The following PTPA variants were observed in gnomAD, a reference collection of about 807,000 sequenced individuals.
PTPA encodes serine/threonine-protein phosphatase 2A activator.
A neutral mutation model predicts 43.6 loss-of-function variants in PTPA; 13 were observed. The observed-to-expected ratio is 0.30, with a 90% CI of 0.19 to 0.47. The LOEUF is 0.47. Ranked by LOEUF, PTPA falls within the 20% of genes least tolerant of loss-of-function variation. The pLI is 0.99. For synonymous variants in PTPA, 172 were observed against 158.2 expected, an observed-to-expected ratio of 1.09 and a Z score of -0.66; for missense variants, 329 against 411.9, an observed-to-expected ratio of 0.80 and a Z score of 1.74.
intron 3 of PTPA, 85 bp from the exon 4 acceptor site, chr9:129,128,900 T>G: frequency 6.5e-7 from 1 of 1,549,426 alleles, no homozygotes; most frequent in Non-Finnish European, 8.8e-7. Flanking sequence ...CAAGGGGTCA[T>G]TGTCTGGCAG....
intron 1 of PTPA, among the ~76,000 whole-genome samples, chr9:129,112,555 A>G (rs1210106350): frequency 6.6e-6 from 1 of 152,188 alleles, no homozygotes; most frequent in Non-Finnish European, 1.5e-5. Flanking sequence ...ATGCCCCACA[A>G]AAGAGGTGAA....
intron 5 of PTPA, 82 bp from the exon 6 acceptor site, chr9:129,134,713 A>G: frequency 8.7e-7 from 1 of 1,143,266 alleles, no homozygotes; most frequent in Non-Finnish European, 1.3e-6. Context: ...GGCACTTATC[A>G]ATGATTCGGA....
Position 129,118,160 on chromosome 9 carries a change from TCTC to T in PTPA, c.32-2350_32-2348del, listed in dbSNP as rs1331891109. On this transcript the variant is annotated intron_variant, in intron 1 of 9. Transcript: ENST00000393370. ...CCTCTGCCTCCTGGGTTCAGGCAAT[TCTC>T]CTGCCTCAGCCTCCTGAGTAGCTAG... Among the ~76,000 whole-genome samples the T allele has an allele frequency of 4.0e-5, 6 of 150,762 alleles. No individual in the cohort carries two copies. The South Asian group carries it at 6.4e-4, about 16-fold the overall frequency.
intron 8 of PTPA, 80 bp downstream of exon 8, chr9:129,137,772 C>T (rs1850476245): frequency 7.7e-7 from 1 of 1,295,268 alleles, no homozygotes; most frequent in Non-Finnish European, 1.1e-6. Flanking sequence ...TACAGTGGAT[C>T]AGAAGAGCCA....
At position 129,121,182 on chromosome 9, in the gene PTPA, A is replaced by G. The variant is rs549384659; in HGVS notation, c.129+572A>G. Among the ~76,000 whole-genome samples the G allele has an allele frequency of 3.3e-5, 5 of 152,300 alleles. No homozygotes were observed. In the East Asian group the frequency reaches 9.7e-4, roughly 29 times the overall value. The stretch of plus-strand genomic sequence containing the variant: ...AGACAGACTGAGCAAAAGAAAGCCA[A>G]TTTCAATTTCTCAGGGAAGGCCTCT... On this transcript the variant is annotated intron_variant, in intron 2 of 9. Coordinates refer to ENST00000393370, the MANE Select transcript of PTPA (RefSeq NM_178000.3).
At chr9:129,147,293 G>C (rs1488556435) in intron 9 of PTPA, 94 bp from the exon 10 acceptor site, 2 of 1,300,894 alleles carry the variant, frequency 1.5e-6, no homozygotes, top group Non-Finnish European at 2.2e-6. Context: ...TCCTGGGCCC[G>C]GGATGGACAC....
At chr9:129,137,864 C>CTG in intron 8 of PTPA, 172 bp downstream of exon 8, 1 of 674,964 alleles carries the variant, frequency 1.5e-6, no homozygotes, top group East Asian at 2.8e-5. Context: ...GAAAGAGCCG[C>CTG]TGCTGACTGT....
intron 3 of PTPA, among the ~76,000 whole-genome samples, chr9:129,123,776 T>G (rs1849406049): frequency 6.6e-6 from 1 of 151,982 alleles, no homozygotes. Context: ...CTCTGCCTCC[T>G]GGGTTCAAGC....
upstream of PTPA, chr9:129,111,376 G>A: frequency 8.2e-7 from 1 of 1,212,790 alleles, no homozygotes; most frequent in Non-Finnish European, 1.0e-6. Flanking sequence ...CGTCCGCCGC[G>A]CGCCGGCCGT....
At chr9:129,116,629 C>T (rs567668293) in intron 1 of PTPA, among the ~76,000 whole-genome samples, 1 of 152,312 alleles carries the variant, frequency 6.6e-6, no homozygotes, top group East Asian at 1.9e-4. Context: ...TTGTGATCCG[C>T]CCGCCTCGGC....
intron 1 of PTPA, among the ~76,000 whole-genome samples, chr9:129,114,111 C>G (rs1246803928): frequency 2.0e-5 from 3 of 152,126 alleles, no homozygotes; most frequent in African/African-American, 7.2e-5. Flanking sequence ...TCACTGCAAC[C>G]TCCGCCTCCT....
Position 129,148,835 on chromosome 9 carries a change from C to T in PTPA, c.*1371C>T, listed in dbSNP as rs1851452293. The T allele has an allele frequency of 6.5e-6, 1 of 152,838 alleles. No homozygotes were observed. Among genetic ancestry groups the T allele is most frequent in the Non-Finnish European group, 1.5e-5 (1 of 68,252 alleles). 9.5% of individuals were successfully genotyped at this position (152,838 alleles called of 1,614,324 possible). ...TTTCTCAGAAGAGGCCCAGCGTCCA[C>T]CTCTCTCCCAGGGCCAGACAGCCCT... On this transcript the variant is annotated 3_prime_UTR_variant, in exon 10 of 10. Coordinates refer to ENST00000393370, the MANE Select transcript of PTPA (RefSeq NM_178000.3).
chr9:129,142,667 G>T (rs1259071523), intron 9 of PTPA, 115 bp downstream of exon 9: 5 of 1,552,410 alleles, frequency 3.2e-6, no homozygotes, highest in Middle Eastern at 3.3e-4. Flanking sequence ...CCACTGTTTT[G>T]CTCTGAATCT....
Position 129,120,576 on chromosome 9 carries a change from C to T in PTPA, c.95C>T (p.Thr32Ile), listed in dbSNP as rs147961453. 2 of 1,613,740 alleles carry T rather than the reference C, an allele frequency of 1.2e-6. No homozygotes were observed. The highest frequency in any genetic ancestry group is 1.1e-5 in the South Asian group (1 of 91,080). Residue 32 changes from threonine (T) to isoleucine (I), a missense_variant, in exon 2 of 10, where the codon ACA becomes ATA. By Grantham distance (89) the Thr-to-Ile change is moderately conservative. Transcript: ENST00000393370. ...ATCATTCCAAAAAAGGAGATCCACA[C>T]AGTTCCAGACATGGGCAAATGGAAG... ...NFIIPKKEIH[T>I]VPDMGKWKRS...
intron 2 of PTPA, among the ~76,000 whole-genome samples, chr9:129,122,104 A>G (rs977591798): frequency 5.3e-5 from 8 of 151,938 alleles, no homozygotes; most frequent in Non-Finnish European, 1.2e-4. Flanking sequence ...CTGCACCTCA[A>G]TGCTATTTTT....
rs148557855 is a variant in PTPA at position 129,126,291 on chromosome 9, T to G, written c.217-2694T>G. 5.0e-3 allele frequency among the ~76,000 whole-genome samples: 755 copies of G among 152,152 alleles called. 7 individuals carry two copies. The highest frequency in any genetic ancestry group is 0.018 in the African/African-American group (732 of 41,520). Reference sequence around the variant, plus strand: ...TCACCACAACCTCCGCCTCCCGGGTTCAAACGATTCTCCTGCCTCAGCCTC... The same window carrying G: ...TCACCACAACCTCCGCCTCCCGGGTGCAAACGATTCTCCTGCCTCAGCCTC... On this transcript the variant is annotated intron_variant, in intron 3 of 9. Coordinates refer to ENST00000393370, the MANE Select transcript of PTPA (RefSeq NM_178000.3).
In PTPA at chr9:129,122,508, C is replaced by T. The variant is rs551519091; in HGVS notation, c.130-544C>T. ...GTTGTGTGGGGAGACCTGTCTGTGG[C>T]AGGCATCTGCACTCCAACTAGACAG... is the stretch of plus-strand genomic sequence containing the variant. On this transcript the variant is annotated intron_variant, in intron 2 of 9. Coordinates refer to ENST00000393370, the MANE Select transcript of PTPA (RefSeq NM_178000.3). 7.2e-5 allele frequency among the ~76,000 whole-genome samples: 11 copies of T among 152,306 alleles called. No individual in the cohort carries two copies. The South Asian group carries it at 2.3e-3, about 32-fold the overall frequency.
At position 129,134,894 on chromosome 9, in the gene PTPA, G is replaced by A. The variant is rs1256805110; in HGVS notation, c.560G>A (p.Arg187Gln). 2 of 1,611,380 alleles carry A rather than the reference G, an allele frequency of 1.2e-6. No individual in the cohort carries two copies. Among genetic ancestry groups the A allele is most frequent in the Non-Finnish European group, 1.7e-6 (2 of 1,178,224 alleles). Reference sequence around the variant, plus strand: ...GCTATTGTCTTCAAGGTGTTCAATCGGTGAGAGAAAGGACAGGAGGGTTGG... The same window carrying A: ...GCTATTGTCTTCAAGGTGTTCAATCAGTGAGAGAAAGGACAGGAGGGTTGG... Reference protein sequence around the residue: ...QIAIVFKVFNRYLEVMRKLQK... With the variant: ...QIAIVFKVFNQYLEVMRKLQK... The change falls in exon 6 of 10, where the codon CGG (arginine) becomes CAG (glutamine). Residue 187 changes from arginine (R) to glutamine (Q), a missense_variant and splice_region_variant. Transcript: ENST00000393370.
upstream of PTPA, chr9:129,111,094 G>A: frequency 3.7e-6 from 5 of 1,353,940 alleles, no homozygotes; most frequent in South Asian, 4.6e-5. Flanking sequence ...TAGAGTGATA[G>A]GAAAACACAA....
Sources: allele counts gnomAD v4.1 joint callset (sites outside exome capture counted in the v4.1 genomes callset), GRCh38; gene constraint gnomAD v4.1.1; transcripts MANE v1.5; gene names NCBI Gene and HGNC (gene_info 2026-07-23, HGNC 2026-07-21).